Variants in ATPAF1 observed in about 807,000 individuals in gnomAD.
The protein encoded by ATPAF1 is homolog of yeast ATP11.
Under a neutral mutation model 43.9 loss-of-function variants are expected in ATPAF1, and 26 were observed. The observed-to-expected ratio is 0.59, with a 90% CI of 0.43 to 0.82. The LOEUF is 0.82. Among genes scored for constraint, ATPAF1 ranks in the 40% least tolerant of loss-of-function variants. The probability of loss-of-function intolerance (pLI) is 0.00; values close to 1 mark genes in which losing one functional copy is unlikely to be tolerated. For synonymous variants in ATPAF1, 157 were observed against 168.0 expected (o/e 0.93, Z 0.50); for missense variants, 366 against 435.0 (o/e 0.84, Z 1.41).
At chr1:46,636,108 T>G in intron 8 of ATPAF1, 138 bp from the exon 9 acceptor site, 1 of 919,432 alleles carries the variant, frequency 1.1e-6, no homozygotes, top group East Asian at 2.5e-5. Context: ...AAGTCCCTAG[T>G]CTTGGTTAGG....
At chr1:46,635,847 C>T (rs143257779) in exon 9 of ATPAF1, 72 of 1,614,126 alleles carry the variant, frequency 4.5e-5, no homozygotes, top group Non-Finnish European at 5.7e-5. Flanking sequence ...TCAGCGATGA[C>T]AGACATATAT....
chr1:46,648,021 A>C (rs539483942), intron 6 of ATPAF1, among the ~76,000 whole-genome samples: 2 of 152,196 alleles, frequency 1.3e-5, no homozygotes, highest in Non-Finnish European at 2.9e-5. Context: ...TGAGCTATAC[A>C]CCTTTTGGCT....
chr1:46,665,880 A>C lies in ATPAF1; in HGVS notation c.267-516T>G, dbSNP rs190668640. On this transcript the variant is annotated intron_variant, in intron 1 of 8. Coordinates refer to ENST00000574428, the Ensembl canonical transcript of ATPAF1. Reference sequence around the variant, plus strand: ...TGAGTATCTCCCTAACCTACCCTCCAAAGAAGCTGCTCTTGGAGATGAAAC... The same window carrying C: ...TGAGTATCTCCCTAACCTACCCTCCCAAGAAGCTGCTCTTGGAGATGAAAC... 1.8e-4 allele frequency: 257 copies of C among 1,400,788 alleles called. No homozygotes were observed. In the African/African-American group the frequency reaches 3.5e-3, roughly 19 times the overall value. The allele number at this position is 1,400,788 out of a possible 1,614,324, so 86.8% of individuals were successfully genotyped here.
At chr1:46,651,324 T>G (rs1445548989) in intron 6 of ATPAF1, among the ~76,000 whole-genome samples, 2 of 150,008 alleles carry the variant, frequency 1.3e-5, no homozygotes, top group Non-Finnish European at 2.9e-5. Context: ...ACAAAGGACA[T>G]GAACTCATCA....
intron 7 of ATPAF1, 35 bp downstream of exon 7, chr1:46,645,126 C>T: frequency 2.6e-6 from 4 of 1,549,972 alleles, no homozygotes; most frequent in Non-Finnish European, 3.6e-6. Flanking sequence ...AGGGGTAGTC[C>T]TCTTTCCTCT....
chr1:46,663,107 T>C (rs2148826660), intron 2 of ATPAF1, among the ~76,000 whole-genome samples: 1 of 152,336 alleles, frequency 6.6e-6, no homozygotes, highest in African/African-American at 2.4e-5. Flanking sequence ...ACAAAGGACA[T>C]GAACTCATCA....
chr1:46,666,378 T>C (rs1676491780), intron 1 of ATPAF1: 1 of 152,382 alleles, frequency 6.6e-6, no homozygotes, highest in African/African-American at 2.4e-5. Context: ...GGGTCAACCC[T>C]GCTAGTGGCT....
intron 7 of ATPAF1, 68 bp from the exon 8 acceptor site, chr1:46,643,369 TAG>T (rs1013513738): frequency 1.5e-5 from 19 of 1,257,908 alleles, no homozygotes; most frequent in Non-Finnish European, 2.1e-5. Flanking sequence ...TTCAAAGCAA[TAG>T]ACAGTCTAGA....
intron 2 of ATPAF1, chr1:46,665,048 C>A: frequency 1.8e-6 from 1 of 553,320 alleles, no homozygotes. Flanking sequence ...GGAAGTACCC[C>A]TCTCATACTT....
chr1:46,648,440 G>A (rs570072617), intron 6 of ATPAF1, among the ~76,000 whole-genome samples: 7 of 152,164 alleles, frequency 4.6e-5, no homozygotes, highest in South Asian at 2.1e-4. Context: ...ACAGGGTCTC[G>A]CTCTGTTGTC....
At chr1:46,655,139 A>C (rs1676246290) in intron 4 of ATPAF1, among the ~76,000 whole-genome samples, 1 of 152,194 alleles carries the variant, frequency 6.6e-6, no homozygotes, top group African/African-American at 2.4e-5. Flanking sequence ...TGGGAACAGC[A>C]TGGAGGTAAC....
chr1:46,647,466 C>T (rs1191547817), intron 6 of ATPAF1, among the ~76,000 whole-genome samples: 1 of 151,724 alleles, frequency 6.6e-6, no homozygotes, highest in Non-Finnish European at 1.5e-5. Flanking sequence ...ATTCCTTTTA[C>T]TGCTGAATAT....
intron 8 of ATPAF1, among the ~76,000 whole-genome samples, chr1:46,638,965 C>T (rs1470248085): frequency 6.6e-6 from 1 of 152,194 alleles, no homozygotes; most frequent in Non-Finnish European, 1.5e-5. Flanking sequence ...CATTCTCTTT[C>T]CTCCATCTCT....
In ATPAF1 at chr1:46,646,445, A is replaced by T. The variant is rs572384904; in HGVS notation, c.589-1189T>A. Among the ~76,000 whole-genome samples the T allele has an allele frequency of 2.6e-5, 4 of 152,362 alleles. No individual in the cohort carries two copies. The South Asian group carries it at 8.3e-4, about 32-fold the overall frequency. On this transcript the variant is annotated intron_variant, in intron 6 of 8. Coordinates refer to ENST00000574428, the Ensembl canonical transcript of ATPAF1. ...TTCTATCAGATAAGGCTGATATTGG[A>T]GCATGGCTCCAGACTAAACACCAAA... is the stretch of plus-strand genomic sequence containing the variant.
intron 7 of ATPAF1, among the ~76,000 whole-genome samples, chr1:46,644,938 C>T (rs936791659): frequency 6.6e-6 from 1 of 152,144 alleles, no homozygotes; most frequent in Admixed American, 6.5e-5. Flanking sequence ...AAAAGAGAAC[C>T]AGAAGTAGTC....
intron 7 of ATPAF1, among the ~76,000 whole-genome samples, chr1:46,644,781 T>C (rs1219780514): frequency 6.6e-6 from 1 of 152,154 alleles, no homozygotes; most frequent in Non-Finnish European, 1.5e-5. Context: ...TTGGAAGGTG[T>C]TGACTTAGGT....
intron 6 of ATPAF1, among the ~76,000 whole-genome samples, chr1:46,645,813 T>C (rs1029715386): frequency 1.3e-5 from 2 of 152,264 alleles, no homozygotes; most frequent in African/African-American, 4.8e-5. Flanking sequence ...ATCCAGCATT[T>C]GGTGTCTATC....
intron 8 of ATPAF1, among the ~76,000 whole-genome samples, chr1:46,640,629 G>A (rs112484556): frequency 2.2e-5 from 3 of 137,100 alleles, no homozygotes; most frequent in African/African-American, 7.8e-5. Flanking sequence ...GCGAGACTCT[G>A]TCTCAAAAAC....
At chr1:46,652,276 AGATT>A in intron 6 of ATPAF1, 1 of 247,882 alleles carries the variant, frequency 4.0e-6, no homozygotes, top group Non-Finnish European at 7.7e-6. Context: ...TTGTACCGAT[AGATT>A]AAGATCTACA....
Sources: allele counts gnomAD v4.1 joint callset (sites outside exome capture counted in the v4.1 genomes callset), GRCh38; gene constraint gnomAD v4.1.1; transcripts MANE v1.5; gene names NCBI Gene and HGNC (gene_info 2026-07-23, HGNC 2026-07-21).